PCTP: variants seen among roughly 807,000 people sequenced by gnomAD.
The protein encoded by PCTP is phosphatidylcholine transfer protein.
In PCTP, 27 loss-of-function variants were observed where a neutral mutation model predicts 31.0. The observed-to-expected ratio is 0.87, with a 90% CI of 0.64 to 1.20. PCTP has a LOEUF of 1.20. Among genes scored for constraint, PCTP ranks in the 50% most tolerant of loss-of-function variants. The probability of loss-of-function intolerance (pLI) is 0.00; values close to 1 mark genes in which losing one functional copy is unlikely to be tolerated. For missense variants in PCTP, 287 were observed against 268.2 expected (o/e 1.07, Z -0.49); for synonymous variants, 108 against 101.2 (o/e 1.07, Z -0.40).
At chr17:55,783,438 C>T (rs372468896) in intron 2 of PCTP, among the ~76,000 whole-genome samples, 11 of 152,104 alleles carry the variant, frequency 7.2e-5, no homozygotes, top group East Asian at 3.8e-4. Flanking sequence ...GACAGCACGC[C>T]GAATTCATTT....
rs117573973 is a variant in PCTP at position 55,776,476 on chromosome 17, C to T, written c.*376C>T. The T allele has an allele frequency of 3.4e-3, 4,200 of 1,231,940 alleles. 7 individuals are homozygous for T. The highest frequency in any genetic ancestry group is 4.0e-3 in the Non-Finnish European group (3,920 of 988,186). 76.3% of individuals were successfully genotyped at this position (1,231,940 alleles called of 1,614,324 possible). Reference sequence around the variant, plus strand: ...GTGCAATTTTACGGGGATGGGTGGGCGGAGGGACACAACAAAATTTAAGAA... The same window carrying T: ...GTGCAATTTTACGGGGATGGGTGGGTGGAGGGACACAACAAAATTTAAGAA... On this transcript the variant is annotated 3_prime_UTR_variant, in exon 6 of 6. Transcript: ENST00000268896.
chr17:55,811,773 T>C (rs186942054), intron 3 of PCTP, among the ~76,000 whole-genome samples: 174 of 152,354 alleles, frequency 1.1e-3, no homozygotes, highest in Admixed American at 6.1e-3. Flanking sequence ...GGTCTTGTGA[T>C]CACACTCCTT....
At chr17:55,759,232 C>T (rs959187032) in intron 1 of PCTP, among the ~76,000 whole-genome samples, 2 of 152,120 alleles carry the variant, frequency 1.3e-5, no homozygotes, top group Non-Finnish European at 2.9e-5. Flanking sequence ...GTCCATACCT[C>T]GTATCATTAT....
intron 5 of PCTP, among the ~76,000 whole-genome samples, chr17:55,841,907 A>C (rs543888068): frequency 3.1e-4 from 47 of 151,786 alleles, no homozygotes; most frequent in Admixed American, 4.6e-4. Context: ...CTGTCTACCT[A>C]CCTCCCTCCC....
chr17:55,828,953 C>CT (rs1389848494), intron 5 of PCTP, among the ~76,000 whole-genome samples: 3 of 152,132 alleles, frequency 2.0e-5, no homozygotes, highest in African/African-American at 7.2e-5. Context: ...CCAGTCCCCC[C>CT]TACATGTTAA....
At chr17:55,753,474 G>A (rs546305350) in intron 1 of PCTP, among the ~76,000 whole-genome samples, 1 of 152,270 alleles carries the variant, frequency 6.6e-6, no homozygotes, top group African/African-American at 2.4e-5. Context: ...CCTATGATAA[G>A]GTACTATGAT....
At chr17:55,753,916 C>T (rs528143642) in intron 1 of PCTP, among the ~76,000 whole-genome samples, 1 of 152,328 alleles carries the variant, frequency 6.6e-6, no homozygotes, top group East Asian at 1.9e-4. Flanking sequence ...AATAAAGCTT[C>T]CAGCATGTGG....
intron 3 of PCTP, among the ~76,000 whole-genome samples, chr17:55,820,561 C>T (rs1361241182): frequency 6.6e-6 from 1 of 152,140 alleles, no homozygotes. Flanking sequence ...ACTTAATCAC[C>T]CCTAAAGGCC....
At chr17:55,827,528 A>G (rs539626384), downstream of PCTP, among the ~76,000 whole-genome samples, 1 of 152,374 alleles carries the variant, frequency 6.6e-6, no homozygotes, top group East Asian at 1.9e-4. Context: ...CTTGTTACAC[A>G]GCGTTAGCTG....
intron 2 of PCTP, among the ~76,000 whole-genome samples, chr17:55,768,326 C>G (rs906101006): frequency 1.3e-5 from 2 of 152,012 alleles, no homozygotes; most frequent in African/African-American, 2.4e-5. Context: ...TCCCATGTAT[C>G]TAGGTTGTCA....
intron 3 of PCTP, among the ~76,000 whole-genome samples, chr17:55,807,246 C>T (rs1912605847): frequency 1.3e-5 from 2 of 152,092 alleles, no homozygotes; most frequent in Non-Finnish European, 2.9e-5. Context: ...TCTTGGAAAC[C>T]ACTGAGTTGG....
chr17:55,844,366 C>A (rs1906076653), downstream of PCTP, among the ~76,000 whole-genome samples: 1 of 152,152 alleles, frequency 6.6e-6, no homozygotes, highest in Non-Finnish European at 1.5e-5. Flanking sequence ...GTGTCCTGTG[C>A]AAAGCTGACC....
At chr17:55,754,825 A>G (rs1293510997) in intron 1 of PCTP, among the ~76,000 whole-genome samples, 1 of 152,200 alleles carries the variant, frequency 6.6e-6, no homozygotes, top group East Asian at 1.9e-4. Context: ...GGAACAGTGG[A>G]TAGAAACCTG....
intron 3 of PCTP, among the ~76,000 whole-genome samples, chr17:55,803,172 AAGG>A (rs1912447484): frequency 6.6e-6 from 1 of 152,192 alleles, no homozygotes; most frequent in Admixed American, 6.5e-5. Flanking sequence ...GGACCACATC[AAGG>A]AGAACTACAA....
chr17:55,817,825 A>G (rs1053603344), intron 3 of PCTP, among the ~76,000 whole-genome samples: 1 of 152,208 alleles, frequency 6.6e-6, no homozygotes, highest in African/African-American at 2.4e-5. Flanking sequence ...ATCTGTCTAC[A>G]AGAGCTCATC....
rs542351935 is a variant in PCTP, at chr17:55,760,748, T to C, written c.142-6587T>C. On this transcript the variant is annotated intron_variant, in intron 1 of 5. Coordinates refer to ENST00000268896, the MANE Select transcript of PCTP (RefSeq NM_021213.4). ...CTTCTTCTGGCCCTTTGGAGGCCTG[T>C]TGGGCAAACACACCAGGCTTAGGGA... Among the ~76,000 whole-genome samples the C allele has an allele frequency of 2.0e-5, 3 of 152,222 alleles. No individual in the cohort carries two copies. In the East Asian group the frequency reaches 5.8e-4, roughly 29 times the overall value.
At chr17:55,834,312 C>G (rs1233388924) in intron 5 of PCTP, among the ~76,000 whole-genome samples, 1 of 152,090 alleles carries the variant, frequency 6.6e-6, no homozygotes, top group South Asian at 2.1e-4. Context: ...AGGTATTAAG[C>G]CCAGCATGCA....
chr17:55,791,272 C>A (rs1412611674), intron 3 of PCTP, among the ~76,000 whole-genome samples: 23 of 151,880 alleles, frequency 1.5e-4, no homozygotes, highest in Admixed American at 7.2e-4. Context: ...AAAACACCAA[C>A]AGCAATGGCA....
chr17:55,835,365 T>G (rs2145085334), intron 5 of PCTP, among the ~76,000 whole-genome samples: 1 of 152,330 alleles, frequency 6.6e-6, no homozygotes, highest in African/African-American at 2.4e-5. Flanking sequence ...CCTAAACTCC[T>G]GCAGTCCCAC....
Sources: gnomAD v4.1 joint callset for allele counts (sites outside exome capture counted in the v4.1 genomes callset) on GRCh38, gnomAD v4.1.1 for gene constraint, MANE v1.5 for transcripts, NCBI Gene and HGNC (gene_info 2026-07-23, HGNC 2026-07-21) for gene names.